NDUFA5: variants seen among roughly 807,000 people sequenced by gnomAD.
NDUFA5 encodes NADH dehydrogenase [ubiquinone] 1 alpha subcomplex subunit 5.
NDUFA5 carries 11 observed loss-of-function variants against 19.8 expected under a neutral mutation model. The observed-to-expected ratio is 0.56, with a 90% CI of 0.35 to 0.92. The LOEUF (loss-of-function observed/expected upper bound fraction) is 0.92. Among genes scored for constraint, NDUFA5 ranks in the 40% least tolerant of loss-of-function variants. The probability of loss-of-function intolerance (pLI) is 0.01; values close to 1 mark genes in which losing one functional copy is unlikely to be tolerated. For synonymous variants in NDUFA5, 47 were observed against 46.8 expected (o/e 1.00, Z -0.01); for missense variants, 109 against 134.2 (o/e 0.81, Z 0.93).
At chr7:123,563,549 A>G in the NDUFA5 span, among the ~76,000 whole-genome samples, 1 of 152,216 alleles carries the variant, frequency 6.6e-6, no homozygotes, top group Non-Finnish European at 1.5e-5. Context: ...TAGATAAGGA[A>G]GAAGTTTGAA....
chr7:123,581,389 A>G, the NDUFA5 span, among the ~76,000 whole-genome samples: 8 of 151,010 alleles, frequency 5.3e-5, no homozygotes, highest in Admixed American at 5.3e-4. Flanking sequence ...AGTGAAAACA[A>G]AACATGATCA....
intron 3 of NDUFA5, 174 bp from the exon 4 acceptor site, chr7:123,545,850 T>C (rs1798113414): frequency 1.9e-6 from 1 of 531,824 alleles, no homozygotes; most frequent in Non-Finnish European, 3.3e-6. Flanking sequence ...TTTCATTGCT[T>C]TTCTGTCTTA....
intron 4 of NDUFA5, among the ~76,000 whole-genome samples, chr7:123,544,833 C>T (rs935377335): frequency 1.4e-5 from 2 of 142,214 alleles, no homozygotes; most frequent in Non-Finnish European, 3.0e-5. Context: ...AAACCAACTA[C>T]GGAATACTCA....
chr7:123,568,038 C>T, the NDUFA5 span, among the ~76,000 whole-genome samples: 3 of 151,930 alleles, frequency 2.0e-5, no homozygotes, highest in Non-Finnish European at 4.4e-5. Context: ...TGTTGATTTT[C>T]AGAACTTCAT....
At chr7:123,557,713 G>A (rs1798616250) in intron 1 of NDUFA5, 62 bp downstream of exon 1, 10 of 1,613,876 alleles carry the variant, frequency 6.2e-6, no homozygotes, top group Non-Finnish European at 7.6e-6. Flanking sequence ...CGGGAAGTAG[G>A]GCTATCGGAC....
chr7:123,550,552 A>T lies in NDUFA5; in HGVS notation c.101T>A (p.Val34Asp), dbSNP rs2116134217. The stretch of plus-strand genomic sequence containing the variant: ...TGCATTTTTAGGGATTTCCTCAAGA[A>T]CATCAAGAATCTTTGTGTACAATAT... ...LRILYTKILD[V>D]LEEIPKNAAY... The change falls in exon 3 of 5, where the codon GTT becomes GAT. Residue 34 changes from valine to aspartate, a missense_variant. Transcript: ENST00000355749. 6.2e-7 allele frequency: 1 copy of T among 1,609,716 alleles called. No individual in the cohort carries two copies. Among genetic ancestry groups the T allele is most frequent in the East Asian group, 2.2e-5 (1 of 44,740 alleles).
chr7:123,566,055 G>A, the NDUFA5 span, among the ~76,000 whole-genome samples: 2 of 152,016 alleles, frequency 1.3e-5, no homozygotes, highest in African/African-American at 4.8e-5. Context: ...ACCTTCATTG[G>A]AAATAGGGTC....
At chr7:123,573,305 T>TTTTTTTTTTTTG in the NDUFA5 span, among the ~76,000 whole-genome samples, 1 of 150,516 alleles carries the variant, frequency 6.6e-6, no homozygotes, top group Non-Finnish European at 1.5e-5. Flanking sequence ...TTTTTTTTTT[T>TTTTTTTTTTTTG]GTCATCTTAG....
At chr7:123,585,155 AATATAATTATCT>A in the NDUFA5 span, among the ~76,000 whole-genome samples, 79 of 151,988 alleles carry the variant, frequency 5.2e-4, no homozygotes, top group South Asian at 0.016. Context: ...TCAGTTGTAA[AATATAATTATCT>A]GAACAAAGAA....
the NDUFA5 span, chr7:123,598,748 G>A: frequency 6.6e-6 from 1 of 152,172 alleles, no homozygotes; most frequent in Non-Finnish European, 1.5e-5. Context: ...CATTAATTTA[G>A]TATAACTACC....
chr7:123,551,692 G>A, intron 2 of NDUFA5: 1 of 206,216 alleles, frequency 4.8e-6, no homozygotes, highest in Non-Finnish European at 8.5e-6. Context: ...CATAAAGTCT[G>A]CATAAAAGGC....
chr7:123,561,070 T>C (rs1449158047), upstream of NDUFA5, among the ~76,000 whole-genome samples: 1 of 152,248 alleles, frequency 6.6e-6, no homozygotes, highest in Admixed American at 6.5e-5. Context: ...TCTTATTTAA[T>C]GATTTGAAGT....
chr7:123,544,982 T>C (rs546984037), intron 4 of NDUFA5, among the ~76,000 whole-genome samples: 4 of 151,992 alleles, frequency 2.6e-5, no homozygotes, highest in African/African-American at 9.6e-5. Context: ...GCAGCAGGTA[T>C]AGTGAGAGGA....
the NDUFA5 span, among the ~76,000 whole-genome samples, chr7:123,565,927 G>A: frequency 3.9e-5 from 6 of 152,230 alleles, no homozygotes; most frequent in East Asian, 7.7e-4. Context: ...GCTGAGACAG[G>A]GGAATTGCTT....
Position 123,540,892 on chromosome 7 carries a change from A to ACACACACACG in NDUFA5, c.*1226_*1227insCGTGTGTGTG, listed in dbSNP as rs1562890031. On this transcript the variant is annotated 3_prime_UTR_variant, in exon 5 of 5. Coordinates refer to ENST00000355749, the MANE Select transcript of NDUFA5 (RefSeq NM_005000.5). ...TGAGCAAATGTGCGCATGCGCGTGC[A>ACACACACACG]CACACACACACACACACACACACAC... 3.3e-5 allele frequency: 2 copies of ACACACACACG among 60,486 alleles called. No homozygotes were observed. Among genetic ancestry groups the ACACACACACG allele is most frequent in the African/African-American group, 9.7e-5 (2 of 20,640 alleles). 3.7% of individuals were successfully genotyped at this position (60,486 alleles called of 1,614,324 possible). A position where few individuals can be genotyped will look rare whatever the true frequency, so the allele number is the denominator to read the frequency against.
the NDUFA5 span, among the ~76,000 whole-genome samples, chr7:123,572,409 G>T: frequency 6.6e-6 from 1 of 151,888 alleles, no homozygotes; most frequent in African/African-American, 2.4e-5. Flanking sequence ...AAAGTACTGG[G>T]ATTACAGGCA....
the NDUFA5 span, among the ~76,000 whole-genome samples, chr7:123,585,723 A>T: frequency 6.6e-6 from 1 of 151,644 alleles, no homozygotes; most frequent in African/African-American, 2.4e-5. Flanking sequence ...ATTATCATTA[A>T]CTATAGTTAC....
At chr7:123,545,537 T>A (rs760765066) in intron 4 of NDUFA5, 74 bp downstream of exon 4, 27 of 1,212,696 alleles carry the variant, frequency 2.2e-5, no homozygotes, top group Non-Finnish European at 2.9e-5. Context: ...GAAATTTAGT[T>A]TTCCTTTCAT....
chr7:123,552,682 GAACAGGGTAAAGCA>G (rs1182860702), intron 2 of NDUFA5, among the ~76,000 whole-genome samples: 1 of 142,368 alleles, frequency 7.0e-6, no homozygotes, highest in Non-Finnish European at 1.5e-5. Flanking sequence ...CCTAATAAGG[GAACAGGGTAAAGCA>G]AAAATAAAAA....
Sources: gnomAD v4.1 joint callset for allele counts (sites outside exome capture counted in the v4.1 genomes callset) on GRCh38, gnomAD v4.1.1 for gene constraint, MANE v1.5 for transcripts, NCBI Gene and HGNC (gene_info 2026-07-23, HGNC 2026-07-21) for gene names.